The following ROBO2 variants were observed in gnomAD, a reference collection of about 807,000 sequenced individuals.
ROBO2 encodes roundabout guidance receptor 2.
A neutral mutation model predicts 160.8 loss-of-function variants in ROBO2; 53 were observed. The ratio of observed to expected loss-of-function variants is 0.33; its 90% CI spans 0.26 to 0.41. The LOEUF is 0.41. ROBO2 is among the 10% of genes least tolerant of loss of function. ROBO2 has a pLI of 1.00. For synonymous variants in ROBO2, 664 were observed against 611.7 expected (o/e 1.09, Z -1.26); for missense variants, 1,577 against 1,722.4 (o/e 0.92, Z 1.49).
At chr3:76,540,488 C>A (rs1164038903) in intron 2 of ROBO2, among the ~76,000 whole-genome samples, 6 of 152,152 alleles carry the variant, frequency 3.9e-5, no homozygotes, top group African/African-American at 9.7e-5. Flanking sequence ...GCTTCCATTG[C>A]AGAAATACTA....
intron 2 of ROBO2, among the ~76,000 whole-genome samples, chr3:76,655,397 T>G (rs1221613639): frequency 6.9e-6 from 1 of 144,876 alleles, no homozygotes; most frequent in African/African-American, 2.5e-5. Flanking sequence ...AAAAAACTAT[T>G]TGAAATATCT....
At chr3:76,277,283 T>C (rs1376693658) in intron 2 of ROBO2, among the ~76,000 whole-genome samples, 1 of 151,978 alleles carries the variant, frequency 6.6e-6, no homozygotes, top group African/African-American at 2.4e-5. Flanking sequence ...TCAGAATACA[T>C]GTATCAGCTG....
At chr3:76,908,257 T>A (rs1371569340) in intron 2 of ROBO2, among the ~76,000 whole-genome samples, 1 of 152,218 alleles carries the variant, frequency 6.6e-6, no homozygotes, top group Non-Finnish European at 1.5e-5. Context: ...TTCCTTTCTG[T>A]CCTTTGGATG....
At chr3:76,049,383 G>GTATATATATA (rs1553727226) in intron 2 of ROBO2, among the ~76,000 whole-genome samples, 6 of 36,818 alleles carry the variant, frequency 1.6e-4, no homozygotes, top group East Asian at 1.2e-3. Context: ...GCTAATTTTA[G>GTATATATATA]TATATATATA....
intron 2 of ROBO2, among the ~76,000 whole-genome samples, chr3:77,150,036 C>T (rs1444763683): frequency 6.6e-6 from 1 of 151,852 alleles, no homozygotes; most frequent in African/African-American, 2.4e-5. Flanking sequence ...TGATTTTTTC[C>T]TTTTCTGCAG....
chr3:76,984,544 A>C (rs1402051806), intron 2 of ROBO2, among the ~76,000 whole-genome samples: 2 of 152,178 alleles, frequency 1.3e-5, no homozygotes, highest in Non-Finnish European at 2.9e-5. Context: ...CAGGGGAGAT[A>C]GAAGCAGTTA....
intron 2 of ROBO2, among the ~76,000 whole-genome samples, chr3:77,260,947 G>T (rs551322665): frequency 6.6e-6 from 1 of 152,254 alleles, no homozygotes; most frequent in African/African-American, 2.4e-5. Flanking sequence ...CTGCGTTTGT[G>T]TGACCTCTTG....
chr3:76,153,189 G>A (rs1299199305), intron 2 of ROBO2, among the ~76,000 whole-genome samples: 1 of 152,102 alleles, frequency 6.6e-6, no homozygotes, highest in Non-Finnish European at 1.5e-5. Flanking sequence ...ACTCTTGAGA[G>A]GACTCACATT....
intron 1 of ROBO2, among the ~76,000 whole-genome samples, chr3:77,094,378 T>C (rs1384489763): frequency 6.6e-6 from 1 of 152,240 alleles, no homozygotes; most frequent in Non-Finnish European, 1.5e-5. Context: ...CACATTTTAT[T>C]TATCCATTCA....
At chr3:76,261,168 A>ATGTGTGTGTG (rs66742168) in intron 2 of ROBO2, among the ~76,000 whole-genome samples, 37 of 122,782 alleles carry the variant, frequency 3.0e-4, no homozygotes, top group African/African-American at 5.7e-4. Flanking sequence ...AAACTAAATT[A>ATGTGTGTGTG]TGTGTGTGTG....
intron 2 of ROBO2, among the ~76,000 whole-genome samples, chr3:76,779,611 C>A (rs979390891): frequency 1.3e-5 from 2 of 150,888 alleles, no homozygotes; most frequent in Non-Finnish European, 3.0e-5. Flanking sequence ...ATTTGTCTTT[C>A]TGCGTCTGGC....
intron 2 of ROBO2, chr3:77,316,913 C>A: frequency 8.4e-7 from 1 of 1,188,230 alleles, no homozygotes; most frequent in Non-Finnish European, 1.3e-6. Context: ...GAGAAGCAGG[C>A]ATGAGGGTCA....
At chr3:76,713,445 C>A (rs554547504) in intron 2 of ROBO2, among the ~76,000 whole-genome samples, 3 of 152,126 alleles carry the variant, frequency 2.0e-5, no homozygotes, top group Non-Finnish European at 4.4e-5. Context: ...TCTTCCCCCA[C>A]TGATGAATTT....
chr3:76,096,076 A>G (rs965446602), intron 2 of ROBO2, among the ~76,000 whole-genome samples: 1 of 152,104 alleles, frequency 6.6e-6, no homozygotes, highest in Admixed American at 6.5e-5. Context: ...AAGAACCCAT[A>G]TTGACAGGCC....
intron 2 of ROBO2, among the ~76,000 whole-genome samples, chr3:76,465,916 T>G (rs1185192717): frequency 6.6e-6 from 1 of 151,762 alleles, no homozygotes; most frequent in Non-Finnish European, 1.5e-5. Context: ...AAAAAAACAC[T>G]GGCCCTTTTT....
At chr3:76,631,911 G>A (rs941124351) in intron 2 of ROBO2, among the ~76,000 whole-genome samples, 1 of 152,170 alleles carries the variant, frequency 6.6e-6, no homozygotes, top group African/African-American at 2.4e-5. Flanking sequence ...TCTCTCTGCA[G>A]TAACAAGCAG....
chr3:77,309,324 G>C (rs2063354131), intron 2 of ROBO2, among the ~76,000 whole-genome samples: 1 of 152,086 alleles, frequency 6.6e-6, no homozygotes, highest in Non-Finnish European at 1.5e-5. Context: ...CAGATTTAGA[G>C]GATTTAGGAG....
At chr3:77,607,288 C>T (rs1359536201) in intron 20 of ROBO2, among the ~76,000 whole-genome samples, 1 of 152,078 alleles carries the variant, frequency 6.6e-6, no homozygotes, top group Non-Finnish European at 1.5e-5. Context: ...CAGGTATTTT[C>T]CTGATTGTAG....
chr3:77,054,241 A>G (rs2065497252), intron 1 of ROBO2, among the ~76,000 whole-genome samples: 1 of 152,168 alleles, frequency 6.6e-6, no homozygotes, highest in African/African-American at 2.4e-5. Flanking sequence ...AATTTCTACC[A>G]TCTGTCAGTA....
Sources: allele counts gnomAD v4.1 joint callset (sites outside exome capture counted in the v4.1 genomes callset), GRCh38; gene constraint gnomAD v4.1.1; transcripts MANE v1.5; gene names NCBI Gene and HGNC (gene_info 2026-07-23, HGNC 2026-07-21).